VIT: variants seen among roughly 807,000 people sequenced by gnomAD.
The protein encoded by VIT is vitrin.
VIT carries 99 observed loss-of-function variants against 78.0 expected under a neutral mutation model. That is an observed-to-expected ratio of 1.27 (90% CI 1.08 to 1.50). VIT has a LOEUF of 1.50. Ranked by LOEUF, VIT falls within the 40% of genes most tolerant of loss-of-function variation. The probability of loss-of-function intolerance (pLI) is 0.00; values close to 1 mark genes in which losing one functional copy is unlikely to be tolerated. For missense variants in VIT, 1,126 were observed against 875.3 expected (o/e 1.29, Z -3.61); for synonymous variants, 374 against 334.3 (o/e 1.12, Z -1.29).
intron 2 of VIT, among the ~76,000 whole-genome samples, chr2:36,718,259 C>T (rs1666287207): frequency 6.6e-6 from 1 of 152,132 alleles, no homozygotes; most frequent in Non-Finnish European, 1.5e-5. Flanking sequence ...TGCTTAAGGT[C>T]TGTTCAGAGG....
At chr2:36,774,925 T>C in intron 8 of VIT, 77 bp from the exon 9 acceptor site, 4 of 1,591,046 alleles carry the variant, frequency 2.5e-6, no homozygotes, top group Non-Finnish European at 3.4e-6. Flanking sequence ...AAGGTAATTT[T>C]CACCGGGGGC....
At chr2:36,806,873 C>G (rs1264201967) in intron 14 of VIT, among the ~76,000 whole-genome samples, 1 of 152,090 alleles carries the variant, frequency 6.6e-6, no homozygotes, top group Non-Finnish European at 1.5e-5. Context: ...CTACCTTCAT[C>G]TCTTGAGCTC....
At chr2:36,699,394 G>A (rs577256316) in intron 1 of VIT, among the ~76,000 whole-genome samples, 3 of 152,034 alleles carry the variant, frequency 2.0e-5, no homozygotes, top group East Asian at 1.9e-4. Flanking sequence ...AAGAAGTATC[G>A]AAATAGTGCT....
chr2:36,771,312 G>C (rs891718294), intron 7 of VIT, among the ~76,000 whole-genome samples: 1 of 152,044 alleles, frequency 6.6e-6, no homozygotes, highest in Non-Finnish European at 1.5e-5. Context: ...GGCGGATCAC[G>C]AGGTCAGAAG....
chr2:36,715,702 C>A lies in VIT; in HGVS notation c.-18-651C>A, dbSNP rs531568405. Among the ~76,000 whole-genome samples the A allele has an allele frequency of 5.3e-5, 8 of 152,270 alleles. No individual in the cohort carries two copies. In the East Asian group the frequency reaches 1.3e-3, roughly 26 times the overall value. ...TTGGTCTGGGGTACAGCCTGGGCAT[C>A]AGAATTTTTTTAAACTCCCAGGTGA... is the stretch of plus-strand genomic sequence containing the variant. On this transcript the variant is annotated intron_variant, in intron 1 of 15. Coordinates refer to ENST00000379242, the MANE Select transcript of VIT (RefSeq NM_053276.4).
intron 12 of VIT, among the ~76,000 whole-genome samples, chr2:36,788,473 T>C (rs996379696): frequency 6.6e-5 from 10 of 152,232 alleles, no homozygotes; most frequent in Non-Finnish European, 1.5e-4. Context: ...GAAAAATTAA[T>C]AGATGAGTTA....
At chr2:36,716,602 G>A (rs999192566) in intron 2 of VIT, among the ~76,000 whole-genome samples, 180 bp downstream of exon 2, 1 of 152,064 alleles carries the variant, frequency 6.6e-6, no homozygotes, top group Admixed American at 6.6e-5. Context: ...TCAAATTCAG[G>A]ATGCATGTGT....
In VIT at chr2:36,808,807, C is replaced by G; in HGVS notation, c.1725C>G (p.Asn575Lys). The G allele has an allele frequency of 6.2e-7, 1 of 1,614,148 alleles. No homozygotes were observed. ...ACAGCAGCAAGCCTGACATCCTCAA[C>G]GCCATCAAGAGGGTGGGCTACTGGA... ...DKYSSKPDIL[N>K]AIKRVGYWSG... Residue 575 changes from asparagine (N) to lysine (K), a missense_variant, in exon 15 of 16, where the codon AAC becomes AAG. Physicochemically the swap from Asn to Lys is moderately conservative, Grantham distance 94. Transcript: ENST00000379242.
chr2:36,709,387 G>A lies in VIT; in HGVS notation c.-18-6966G>A, dbSNP rs77581771. ...GCAAGAAATAGTCTCTACCTCATCG[G>A]GTTGTTGTGAAGATTAAATGAGTTA... On this transcript the variant is annotated intron_variant, in intron 1 of 15. Transcript: ENST00000379242. 6.6e-5 allele frequency among the ~76,000 whole-genome samples: 10 copies of A among 152,062 alleles called. No individual in the cohort carries two copies. The East Asian group carries it at 1.9e-3, about 29-fold the overall frequency.
At chr2:36,781,591 A>C in intron 9 of VIT, 136 bp from the exon 10 acceptor site, 1 of 883,926 alleles carries the variant, frequency 1.1e-6, no homozygotes, top group South Asian at 1.8e-5. Context: ...TGCTTCATCC[A>C]AAATTCTGGC....
chr2:36,729,514 G>C lies in VIT; in HGVS notation c.118+23G>C, dbSNP rs753271294. On this transcript the variant is annotated intron_variant, in intron 3 of 15. Coordinates refer to ENST00000379242, the MANE Select transcript of VIT (RefSeq NM_053276.4). ...TCAGTAAGTAAAATCACAATTCCTT[G>C]CTGGCATAATGCTTGTTTCTCCCAC... The C allele has an allele frequency of 3.7e-6, 6 of 1,600,836 alleles. No individual in the cohort carries two copies. In the Admixed American group the frequency reaches 5.2e-5, roughly 14 times the overall value.
At chr2:36,776,289 G>T (rs1288620002) in intron 9 of VIT, among the ~76,000 whole-genome samples, 1 of 152,164 alleles carries the variant, frequency 6.6e-6, no homozygotes, top group East Asian at 1.9e-4. Flanking sequence ...ACTACATGTT[G>T]TTGTGAGGAC....
intron 7 of VIT, among the ~76,000 whole-genome samples, chr2:36,767,571 G>T (rs886689067): frequency 6.6e-6 from 1 of 152,216 alleles, no homozygotes; most frequent in Non-Finnish European, 1.5e-5. Flanking sequence ...TGTAAACATT[G>T]TTGGGGTTTA....
intron 15 of VIT, among the ~76,000 whole-genome samples, chr2:36,813,555 TTCTTCA>T (rs980618904): frequency 1.3e-5 from 2 of 152,088 alleles, no homozygotes; most frequent in Non-Finnish European, 2.9e-5. Context: ...TTGGAAGCCT[TTCTTCA>T]TCACAATGTT....
chr2:36,759,941 C>T (rs560456489), intron 6 of VIT, among the ~76,000 whole-genome samples: 3 of 152,232 alleles, frequency 2.0e-5, no homozygotes, highest in African/African-American at 7.2e-5. Context: ...AGTAAATTAA[C>T]TTCCATCAAA....
Position 36,754,936 on chromosome 2 carries a change from T to A in VIT, c.291T>A (p.Asn97Lys). 1 of 1,613,990 alleles carries A rather than the reference T, an allele frequency of 6.2e-7. No homozygotes were observed. Among genetic ancestry groups the A allele is most frequent in the Non-Finnish European group, 8.5e-7 (1 of 1,179,966 alleles). Residue 97 changes from asparagine (N) to lysine (K), a missense_variant, in exon 5 of 16, where the codon AAT becomes AAA. Asn to Lys is a moderately conservative substitution (Grantham distance 94, BLOSUM62 0). Coordinates refer to ENST00000379242, the MANE Select transcript of VIT (RefSeq NM_053276.4). ...CTCTTCATAGTGGTGTGCTTGATAA[T>A]TCAGGAGGGAAAATACTTGTTCGGA... Reference protein sequence around the residue: ...GAAVHSGVLDNSGGKILVRKV... With the variant: ...GAAVHSGVLDKSGGKILVRKV...
At chr2:36,774,098 G>A (rs1669916626) in intron 8 of VIT, among the ~76,000 whole-genome samples, 1 of 152,146 alleles carries the variant, frequency 6.6e-6, no homozygotes, top group African/African-American at 2.4e-5. Flanking sequence ...GAATGTCTCA[G>A]GATTCAGTAA....
intron 2 of VIT, among the ~76,000 whole-genome samples, chr2:36,724,163 C>A (rs1333178134): frequency 6.6e-6 from 1 of 151,846 alleles, no homozygotes; most frequent in South Asian, 2.1e-4. Flanking sequence ...GGATTACAGG[C>A]GCCAGCCACC....
intron 1 of VIT, among the ~76,000 whole-genome samples, chr2:36,704,934 CAG>C (rs1371145371): frequency 1.3e-5 from 2 of 152,184 alleles, no homozygotes; most frequent in Non-Finnish European, 2.9e-5. Flanking sequence ...CCAAAAAGCA[CAG>C]AGTGTTCAGG....
Sources: allele counts gnomAD v4.1 joint callset (sites outside exome capture counted in the v4.1 genomes callset), GRCh38; gene constraint gnomAD v4.1.1; transcripts MANE v1.5; gene names NCBI Gene and HGNC (gene_info 2026-07-23, HGNC 2026-07-21).